The following SOD1 variants were observed in gnomAD, a reference collection of about 807,000 sequenced individuals.
SOD1 encodes the protein superoxide dismutase [Cu-Zn].
In SOD1, 8 loss-of-function variants were observed where a neutral mutation model predicts 15.9. The observed-to-expected ratio is 0.50, with a 90% confidence interval of 0.30 to 0.91. The LOEUF (loss-of-function observed/expected upper bound fraction) is 0.91. Ranked by LOEUF, SOD1 falls within the 40% of genes least tolerant of loss-of-function variation. The pLI, the probability that SOD1 is intolerant of heterozygous loss-of-function variation, is 0.07. For missense variants in SOD1, 137 were observed against 194.5 expected (o/e 0.70, Z 1.76); for synonymous variants, 86 against 71.2 (o/e 1.21, Z -1.04).
chr21:31,667,867 T>G (rs1465289610), intron 4 of SOD1, among the ~76,000 whole-genome samples: 2 of 152,204 alleles, frequency 1.3e-5, no homozygotes, highest in African/African-American at 2.4e-5. Context: ...AGACAGGCTC[T>G]CTTTTACCTC....
At chr21:31,665,462 T>C (rs964787311) in intron 2 of SOD1, among the ~76,000 whole-genome samples, 7 of 152,240 alleles carry the variant, frequency 4.6e-5, no homozygotes, top group Admixed American at 4.6e-4. Flanking sequence ...GAGTTGCTTT[T>C]TGGCTTTACC....
chr21:31,661,123 A>ATTCG (rs2049545197), intron 1 of SOD1, among the ~76,000 whole-genome samples: 1 of 152,216 alleles, frequency 6.6e-6, no homozygotes, highest in South Asian at 2.1e-4. Context: ...TCATGAGGGA[A>ATTCG]TATTTACTAT....
Position 31,659,719 on chromosome 21 carries a change from G to T in SOD1, c.-51G>T, listed in dbSNP as rs2049529259. The T allele has an allele frequency of 1.9e-6, 3 of 1,578,990 alleles. No individual in the cohort carries two copies. Among genetic ancestry groups the T allele is most frequent in the East Asian group, 2.2e-5 (1 of 44,710 alleles). On this transcript the variant is annotated 5_prime_UTR_variant, in exon 1 of 5. Coordinates refer to ENST00000270142, the MANE Select transcript of SOD1 (RefSeq NM_000454.5). ...CGTCGTAGTCTCCTGCAGCGTCTGG[G>T]GTTTCCGTTGCAGTCCTCGGAACCA...
chr21:31,667,687 C>G (rs757073448), intron 4 of SOD1, among the ~76,000 whole-genome samples: 14 of 152,210 alleles, frequency 9.2e-5, no homozygotes, highest in Non-Finnish European at 1.9e-4. Context: ...GGGTTTCTCA[C>G]TTGTTAAACA....
chr21:31,661,072 A>T (rs2049544714), intron 1 of SOD1, among the ~76,000 whole-genome samples: 1 of 152,232 alleles, frequency 6.6e-6, no homozygotes, highest in African/African-American at 2.4e-5. Flanking sequence ...TAGTGAAGTT[A>T]CCAACTGGTG....
intron 1 of SOD1, among the ~76,000 whole-genome samples, chr21:31,663,295 A>G (rs1227259135): frequency 6.6e-6 from 1 of 152,068 alleles, no homozygotes; most frequent in Non-Finnish European, 1.5e-5. Context: ...AGCTGAGATC[A>G]TGCCACTGCA....
rs1218808351 is a variant in SOD1 at position 31,668,786 on chromosome 21, C to T, written c.*208C>T. ...GTTTTATAAAACTCAGTTAAAATGTCTGTTTCAATGACCTGTATTTTGCCA... is the reference window on the plus strand; with the variant it reads ...GTTTTATAAAACTCAGTTAAAATGTTTGTTTCAATGACCTGTATTTTGCCA... On this transcript the variant is annotated 3_prime_UTR_variant, in exon 5 of 5. Coordinates refer to ENST00000270142, the MANE Select transcript of SOD1 (RefSeq NM_000454.5). The T allele has an allele frequency of 1.8e-6, 1 of 552,098 alleles. No homozygotes were observed. The highest frequency in any genetic ancestry group is 3.2e-6 in the Non-Finnish European group (1 of 308,118). 34.2% of individuals were successfully genotyped at this position (552,098 alleles called of 1,614,324 possible).
Position 31,668,590 on chromosome 21 carries a change from G to A in SOD1, c.*12G>A. 1 of 1,588,812 alleles carries A rather than the reference G, an allele frequency of 6.3e-7. No homozygotes were observed. The highest frequency in any genetic ancestry group is 8.6e-7 in the Non-Finnish European group (1 of 1,156,822). ...GGATCGCCCAATAAACATTCCCTTG[G>A]ATGTAGTCTGAGGCCCCTTAACTCA... is the stretch of plus-strand genomic sequence containing the variant. On this transcript the variant is annotated 3_prime_UTR_variant, in exon 5 of 5. Coordinates refer to ENST00000270142, the MANE Select transcript of SOD1 (RefSeq NM_000454.5).
Position 31,667,375 on chromosome 21 carries a change from G to T in SOD1, c.357G>T (p.Val119=). 1 of 1,601,988 alleles carries T rather than the reference G, an allele frequency of 6.2e-7. No homozygotes were observed. The highest frequency in any genetic ancestry group is 8.6e-7 in the Non-Finnish European group (1 of 1,168,908). ...GDHCIIGRTL[V]VHEKADDLGK... ...ATTGCATCATTGGCCGCACACTGGT[G>T]GTAAGTTTTCATAAAAGGATATGCA... The change falls in exon 4 of 5, where the codon GTG becomes GTT. Residue 119 remains valine, a splice_region_variant and synonymous_variant. Transcript: ENST00000270142.
chr21:31,667,021 A>G (rs1337859107), intron 3 of SOD1: 2 of 571,540 alleles, frequency 3.5e-6, no homozygotes, highest in Non-Finnish European at 6.3e-6. Flanking sequence ...ATTAACAGGC[A>G]TAACTCAGTA....
In SOD1 at chr21:31,659,849, C is replaced by T; in HGVS notation, c.72+8C>T. The T allele has an allele frequency of 6.2e-7, 1 of 1,612,600 alleles. No homozygotes were observed. Among genetic ancestry groups the T allele is most frequent in the Non-Finnish European group, 8.5e-7 (1 of 1,179,402 alleles). On this transcript the variant is annotated splice_region_variant and intron_variant, in intron 1 of 4. Coordinates refer to ENST00000270142, the MANE Select transcript of SOD1 (RefSeq NM_000454.5). ...ATCAATTTCGAGCAGAAGGCAAGGGCTGGGACGGAGGCTTGTTTGCGAGGC... is the reference window on the plus strand; with the variant it reads ...ATCAATTTCGAGCAGAAGGCAAGGGTTGGGACGGAGGCTTGTTTGCGAGGC...
intron 1 of SOD1, among the ~76,000 whole-genome samples, chr21:31,661,336 C>G (rs2049546702): frequency 6.6e-6 from 1 of 152,136 alleles, no homozygotes; most frequent in African/African-American, 2.4e-5. Flanking sequence ...TTTTGTCCCT[C>G]TTTACTTCTC....
Position 31,661,065 on chromosome 21 carries a change from T to A in SOD1, c.72+1224T>A, listed in dbSNP as rs538739634. Among the ~76,000 whole-genome samples, 3 of 152,284 alleles carry A rather than the reference T, an allele frequency of 2.0e-5. No homozygotes were observed. In the South Asian group the frequency reaches 6.2e-4, roughly 32 times the overall value. ...GATAACACTGTCCCCAGAACCTTAGTGAAGTTACCAACTGGTGGAAAATTT... is the reference window on the plus strand; with the variant it reads ...GATAACACTGTCCCCAGAACCTTAGAGAAGTTACCAACTGGTGGAAAATTT... On this transcript the variant is annotated intron_variant, in intron 1 of 4. Coordinates refer to ENST00000270142, the MANE Select transcript of SOD1 (RefSeq NM_000454.5).
chr21:31,663,654 G>T (rs2049568073), intron 1 of SOD1, 136 bp from the exon 2 acceptor site: 2 of 672,812 alleles, frequency 3.0e-6, no homozygotes, highest in East Asian at 6.1e-5. Flanking sequence ...TGGCTAGAAA[G>T]TGGTCAGCCT....
rs749737196 is a variant in SOD1 at position 31,667,393 on chromosome 21, G to T, written c.357+18G>T. ...CACTGGTGGTAAGTTTTCATAAAAG[G>T]ATATGCATAAAACTTCTTCTAACAT... On this transcript the variant is annotated intron_variant, in intron 4 of 4. Transcript: ENST00000270142. 1 of 1,520,258 alleles carries T rather than the reference G, an allele frequency of 6.6e-7. No homozygotes were observed. The highest frequency in any genetic ancestry group is 1.1e-5 in the South Asian group (1 of 89,186). 94.2% of individuals were successfully genotyped at this position (1,520,258 alleles called of 1,614,324 possible).
intron 1 of SOD1, among the ~76,000 whole-genome samples, chr21:31,662,244 T>G (rs1054224535): frequency 2.6e-5 from 4 of 152,184 alleles, no homozygotes; most frequent in African/African-American, 9.7e-5. Flanking sequence ...ACTTTCACAT[T>G]TGAGTTTTTC....
intron 2 of SOD1, among the ~76,000 whole-genome samples, chr21:31,665,627 C>T (rs1216808136): frequency 6.6e-6 from 1 of 152,126 alleles, no homozygotes; most frequent in Non-Finnish European, 1.5e-5. Flanking sequence ...GAATGTCATC[C>T]CCTGGTGCAC....
intron 3 of SOD1, chr21:31,666,918 G>A: frequency 2.5e-6 from 1 of 400,260 alleles, no homozygotes; most frequent in Non-Finnish European, 4.6e-6. Context: ...ATATGTGTAT[G>A]TTTTCTGAAA....
At chr21:31,659,885 C>G in intron 1 of SOD1, 44 bp downstream of exon 1, 1 of 1,583,948 alleles carries the variant, frequency 6.3e-7, no homozygotes, top group Non-Finnish European at 8.6e-7. Context: ...CGCTCCCACC[C>G]GCTCGTCCCC....
Sources: gnomAD v4.1 joint callset for allele counts (sites outside exome capture counted in the v4.1 genomes callset) on GRCh38, gnomAD v4.1.1 for gene constraint, MANE v1.5 for transcripts, NCBI Gene and HGNC (gene_info 2026-07-23, HGNC 2026-07-21) for gene names.